Variants in GRID2 observed in about 807,000 individuals in gnomAD.
GRID2 encodes the protein glutamate ionotropic receptor delta type subunit 2, also known as glutamate receptor ionotropic, delta-2.
GRID2 carries 33 observed loss-of-function variants against 114.8 expected under a neutral mutation model. The ratio of observed to expected loss-of-function variants is 0.29; its 90% CI spans 0.22 to 0.38. GRID2 has a LOEUF of 0.38. Ranked by LOEUF, GRID2 falls within the 10% of genes least tolerant of loss-of-function variation. The probability of loss-of-function intolerance (pLI) is 1.00; values close to 1 mark genes in which losing one functional copy is unlikely to be tolerated. For synonymous variants in GRID2, 505 were observed against 449.9 expected (o/e 1.12, Z -1.55); for missense variants, 1,184 against 1,257.7 (o/e 0.94, Z 0.89).
chr4:93,448,124 A>G (rs1170958299), intron 10 of GRID2, among the ~76,000 whole-genome samples: 2 of 151,930 alleles, frequency 1.3e-5, no homozygotes, highest in East Asian at 3.9e-4. Context: ...TCTAAAAATG[A>G]AAGAATGGTA....
intron 4 of GRID2, among the ~76,000 whole-genome samples, chr4:93,136,114 C>A (rs527239924): frequency 1.3e-5 from 2 of 152,174 alleles, no homozygotes; most frequent in East Asian, 3.9e-4. Context: ...AAGCTAATGT[C>A]CAGGCGGTTG....
chr4:93,511,843 G>A (rs142539483), intron 12 of GRID2, among the ~76,000 whole-genome samples: 1,739 of 150,200 alleles, frequency 0.012, 43 homozygotes, highest in African/African-American at 0.04. Context: ...AGAGTGCAAT[G>A]GTGCAATCTC....
At chr4:93,352,356 C>T (rs1183846388) in intron 8 of GRID2, among the ~76,000 whole-genome samples, 1 of 151,896 alleles carries the variant, frequency 6.6e-6, no homozygotes, top group Admixed American at 6.6e-5. Flanking sequence ...ACCAGGAACC[C>T]TGGAAAAATT....
chr4:92,751,720 C>T (rs1157479616), intron 2 of GRID2, among the ~76,000 whole-genome samples: 1 of 152,122 alleles, frequency 6.6e-6, no homozygotes, highest in Non-Finnish European at 1.5e-5. Flanking sequence ...TAAATACTAA[C>T]TTATACTATA....
chr4:92,503,273 A>G (rs1163734112), intron 1 of GRID2, among the ~76,000 whole-genome samples: 3 of 152,122 alleles, frequency 2.0e-5, no homozygotes, highest in African/African-American at 4.8e-5. Context: ...GTAATATTAA[A>G]TAAGTTTAGT....
intron 14 of GRID2, among the ~76,000 whole-genome samples, chr4:93,673,409 C>T (rs1244862546): frequency 6.6e-6 from 1 of 151,996 alleles, no homozygotes; most frequent in Non-Finnish European, 1.5e-5. Context: ...CAAAATAATG[C>T]AAAAAAGACA....
At chr4:93,546,355 C>A (rs1195566535) in intron 13 of GRID2, among the ~76,000 whole-genome samples, 1 of 152,196 alleles carries the variant, frequency 6.6e-6, no homozygotes, top group Middle Eastern at 3.4e-3. Flanking sequence ...GTATTTACAG[C>A]CATATTTGTG....
intron 1 of GRID2, among the ~76,000 whole-genome samples, chr4:92,360,835 A>G (rs1728581650): frequency 6.6e-6 from 1 of 152,006 alleles, no homozygotes; most frequent in Non-Finnish European, 1.5e-5. Context: ...TGATCTCCAC[A>G]GGAAACTTTT....
intron 9 of GRID2, among the ~76,000 whole-genome samples, chr4:93,398,749 G>GTTTTT (rs35307252): frequency 8.6e-6 from 1 of 116,106 alleles, no homozygotes; most frequent in African/African-American, 3.0e-5. Flanking sequence ...TGGAAGCAGT[G>GTTTTT]TTTTTTTTTT....
intron 2 of GRID2, among the ~76,000 whole-genome samples, chr4:92,618,814 A>G (rs572290188): frequency 1.3e-5 from 2 of 151,578 alleles, no homozygotes; most frequent in Non-Finnish European, 2.9e-5. Flanking sequence ...TATGGTTTTT[A>G]TTTATTTTTC....
intron 1 of GRID2, among the ~76,000 whole-genome samples, chr4:92,363,823 T>TTTA (rs1205362240): frequency 6.6e-6 from 1 of 150,484 alleles, no homozygotes; most frequent in East Asian, 2.0e-4. Flanking sequence ...AGTTTACTTT[T>TTTA]TTTTTTTTTT....
intron 2 of GRID2, among the ~76,000 whole-genome samples, chr4:92,957,090 A>T (rs2149144780): frequency 6.6e-6 from 1 of 152,100 alleles, no homozygotes; most frequent in East Asian, 1.9e-4. Context: ...ATTTTCTCTC[A>T]GTCTGTTGCT....
At chr4:92,922,493 C>A (rs1431370561) in intron 2 of GRID2, among the ~76,000 whole-genome samples, 8 of 152,204 alleles carry the variant, frequency 5.3e-5, no homozygotes, top group South Asian at 2.1e-4. Flanking sequence ...TCCACCCCCC[C>A]AGAAACTGAC....
chr4:93,351,228 A>G (rs1158694493), intron 8 of GRID2, among the ~76,000 whole-genome samples: 1 of 152,094 alleles, frequency 6.6e-6, no homozygotes, highest in Non-Finnish European at 1.5e-5. Context: ...ACGTACAAGT[A>G]CTTCAAACCT....
intron 2 of GRID2, among the ~76,000 whole-genome samples, chr4:93,035,311 C>G (rs1349671377): frequency 6.6e-6 from 1 of 152,070 alleles, no homozygotes; most frequent in Non-Finnish European, 1.5e-5. Context: ...TGGGTTTTCA[C>G]TATTTTTGCC....
intron 8 of GRID2, among the ~76,000 whole-genome samples, chr4:93,386,366 T>A (rs1764312507): frequency 6.6e-6 from 1 of 152,070 alleles, no homozygotes. Context: ...AAAAAAAGAT[T>A]AAATAATATC....
chr4:93,387,647 C>T (rs1579915076), intron 8 of GRID2, among the ~76,000 whole-genome samples: 1 of 151,858 alleles, frequency 6.6e-6, no homozygotes, highest in South Asian at 2.1e-4. Context: ...CTGGCCAACA[C>T]AGTGGAACCC....
At chr4:93,073,623 T>C (rs1729005011) in intron 2 of GRID2, among the ~76,000 whole-genome samples, 1 of 152,122 alleles carries the variant, frequency 6.6e-6, no homozygotes, top group Non-Finnish European at 1.5e-5. Context: ...ATTCACCCTT[T>C]ATCCCTAGAA....
intron 13 of GRID2, among the ~76,000 whole-genome samples, chr4:93,589,542 A>T (rs1737944487): frequency 6.6e-6 from 1 of 152,130 alleles, no homozygotes; most frequent in African/African-American, 2.4e-5. Context: ...TAGCAGCATG[A>T]TTTATAGTCA....
Sources: gnomAD v4.1 joint callset for allele counts (sites outside exome capture counted in the v4.1 genomes callset) on GRCh38, gnomAD v4.1.1 for gene constraint, MANE v1.5 for transcripts, NCBI Gene and HGNC (gene_info 2026-07-23, HGNC 2026-07-21) for gene names.